Variants in EXOC4 observed in about 807,000 individuals in gnomAD.
EXOC4 encodes the protein SEC8-like 1.
In EXOC4, 71 loss-of-function variants were observed where a neutral mutation model predicts 107.2. The observed-to-expected ratio is 0.66, with a 90% CI of 0.55 to 0.81. EXOC4 has a LOEUF of 0.81. EXOC4 is among the 30% of genes least tolerant of loss of function. The probability of loss-of-function intolerance (pLI) is 0.00; values close to 1 mark genes in which losing one functional copy is unlikely to be tolerated. For missense variants in EXOC4, 1,108 were observed against 1,189.6 expected (o/e 0.93, Z 1.01); for synonymous variants, 456 against 441.2 (o/e 1.03, Z -0.42).
At chr7:133,720,543 G>A (rs1221527278) in intron 10 of EXOC4, among the ~76,000 whole-genome samples, 2 of 152,084 alleles carry the variant, frequency 1.3e-5, no homozygotes, top group Non-Finnish European at 2.9e-5. Flanking sequence ...AAATAAAATA[G>A]TCCCTTTTGG....
chr7:134,069,547 G>A (rs1277770954), downstream of EXOC4, among the ~76,000 whole-genome samples: 1 of 151,886 alleles, frequency 6.6e-6, no homozygotes, highest in Non-Finnish European at 1.5e-5. Flanking sequence ...GCCCCGGCTG[G>A]AGTGCATTGG....
At chr7:133,851,431 G>A (rs1424003592) in intron 11 of EXOC4, among the ~76,000 whole-genome samples, 1 of 152,200 alleles carries the variant, frequency 6.6e-6, no homozygotes, top group Non-Finnish European at 1.5e-5. Context: ...CCGTCTTCCT[G>A]TCTTGGCCTC....
At chr7:133,325,865 T>G (rs1214027734) in intron 5 of EXOC4, among the ~76,000 whole-genome samples, 1 of 152,214 alleles carries the variant, frequency 6.6e-6, no homozygotes, top group Non-Finnish European at 1.5e-5. Flanking sequence ...GACATAGATT[T>G]GGTCTTTTCA....
chr7:134,041,069 C>G (rs988071694), intron 17 of EXOC4, among the ~76,000 whole-genome samples: 1 of 152,218 alleles, frequency 6.6e-6, no homozygotes, highest in Non-Finnish European at 1.5e-5. Flanking sequence ...ATAGCCTCCT[C>G]TCCCCATGAT....
intron 14 of EXOC4, among the ~76,000 whole-genome samples, chr7:133,952,954 A>G (rs1176632386): frequency 2.6e-5 from 4 of 152,200 alleles, no homozygotes; most frequent in Non-Finnish European, 5.9e-5. Flanking sequence ...CTGCTGTAAC[A>G]TGGGTGGACA....
At chr7:133,872,924 A>G (rs115421800) in intron 11 of EXOC4, among the ~76,000 whole-genome samples, 105 of 152,358 alleles carry the variant, frequency 6.9e-4, no homozygotes, top group African/African-American at 2.4e-3. Context: ...TGCTTTTTAA[A>G]ACATATGACC....
chr7:133,867,614 G>A (rs780603957), intron 11 of EXOC4, among the ~76,000 whole-genome samples: 4 of 152,210 alleles, frequency 2.6e-5, no homozygotes, highest in Non-Finnish European at 4.4e-5. Context: ...CCCCAACCCC[G>A]TCCAGTTTCC....
intron 14 of EXOC4, among the ~76,000 whole-genome samples, chr7:133,948,927 C>G (rs1800621423): frequency 6.6e-6 from 1 of 152,200 alleles, no homozygotes; most frequent in African/African-American, 2.4e-5. Context: ...GCACACCAAA[C>G]CAGCGTGCCT....
At chr7:133,768,639 C>T (rs563023560) in intron 10 of EXOC4, among the ~76,000 whole-genome samples, 3 of 152,104 alleles carry the variant, frequency 2.0e-5, no homozygotes, top group South Asian at 2.1e-4. Context: ...GTATCTGGTT[C>T]ATAGTAAAGT....
intron 7 of EXOC4, chr7:133,396,006 G>A (rs1406212723): frequency 6.6e-6 from 1 of 152,058 alleles, no homozygotes; most frequent in Non-Finnish European, 1.5e-5. Flanking sequence ...TCTCAGGATA[G>A]ACAGTAGCAT....
downstream of EXOC4, among the ~76,000 whole-genome samples, chr7:134,069,229 C>CTCCTTCTTA (rs1428064952): frequency 1.3e-5 from 2 of 151,494 alleles, no homozygotes; most frequent in Non-Finnish European, 2.9e-5. Flanking sequence ...TCTCCTTCTT[C>CTCCTTCTTA]TTCTCCTTAT....
chr7:133,900,094 T>C (rs1799418901), intron 12 of EXOC4, among the ~76,000 whole-genome samples: 1 of 152,118 alleles, frequency 6.6e-6, no homozygotes, highest in African/African-American at 2.4e-5. Flanking sequence ...ACAATGCTTC[T>C]TAGTGTGTCC....
intron 10 of EXOC4, among the ~76,000 whole-genome samples, chr7:133,667,595 T>C (rs916688470): frequency 6.6e-6 from 1 of 152,232 alleles, no homozygotes. Flanking sequence ...ACTTTGTACT[T>C]GAGGGAAGTA....
intron 10 of EXOC4, among the ~76,000 whole-genome samples, chr7:133,725,045 C>T (rs1340079713): frequency 2.6e-5 from 4 of 152,190 alleles, no homozygotes; most frequent in Non-Finnish European, 5.9e-5. Context: ...CGGTCCTGAA[C>T]AATAGCACTT....
At chr7:133,930,774 G>A (rs1345671998) in intron 13 of EXOC4, 1 of 151,928 alleles carries the variant, frequency 6.6e-6, no homozygotes, top group Non-Finnish European at 1.5e-5. Flanking sequence ...GTGTGTATGT[G>A]TTTATGTGTA....
At chr7:133,787,955 TTATATATTTATATATATATATA>T (rs1399021094) in intron 10 of EXOC4, among the ~76,000 whole-genome samples, 387 of 31,628 alleles carry the variant, frequency 0.012, 25 homozygotes, top group African/African-American at 0.016. Context: ...GTGCATATAT[TTATATATTTATATATATATATA>T]TATATATATA....
At chr7:133,754,359 G>C (rs938879499) in intron 10 of EXOC4, among the ~76,000 whole-genome samples, 3 of 152,156 alleles carry the variant, frequency 2.0e-5, no homozygotes, top group Non-Finnish European at 4.4e-5. Context: ...AAACTGAGAA[G>C]GAATACGCTT....
intron 10 of EXOC4, among the ~76,000 whole-genome samples, chr7:133,667,462 T>C (rs1793846427): frequency 6.6e-6 from 1 of 152,220 alleles, no homozygotes; most frequent in African/African-American, 2.4e-5. Context: ...GGACTGAGAA[T>C]GTAAGTGGAT....
At chr7:133,290,500 A>G (rs1236232849) in intron 3 of EXOC4, among the ~76,000 whole-genome samples, 1 of 152,228 alleles carries the variant, frequency 6.6e-6, no homozygotes, top group Non-Finnish European at 1.5e-5. Context: ...AGATTCAGCA[A>G]TCAGAATAGA....
Sources: allele counts gnomAD v4.1 joint callset (sites outside exome capture counted in the v4.1 genomes callset), GRCh38; gene constraint gnomAD v4.1.1; transcripts MANE v1.5; gene names NCBI Gene and HGNC (gene_info 2026-07-23, HGNC 2026-07-21).